RBFOX2: variants seen among roughly 807,000 people sequenced by gnomAD.
RBFOX2 encodes the protein RNA binding fox-1 homolog 2, also known as RNA binding protein fox-1 homolog 2.
Under a neutral mutation model 49.1 loss-of-function variants are expected in RBFOX2, and 10 were observed. The observed-to-expected ratio is 0.20, with a 90% CI of 0.13 to 0.35. The LOEUF (loss-of-function observed/expected upper bound fraction) is 0.35. RBFOX2 is among the 10% of genes least tolerant of loss of function. The pLI, the probability that RBFOX2 is intolerant of heterozygous loss-of-function variation, is 1.00. For synonymous variants in RBFOX2, 183 were observed against 187.4 expected (o/e 0.98, Z 0.19); for missense variants, 323 against 486.9 (o/e 0.66, Z 3.17).
chr22:35,795,121 T>C lies in RBFOX2; in HGVS notation c.253-13375A>G, dbSNP rs911001763. Among the ~76,000 whole-genome samples the C allele has an allele frequency of 2.0e-5, 3 of 152,314 alleles. No individual in the cohort carries two copies. In the East Asian group the frequency reaches 5.8e-4, roughly 29 times the overall value. Reference sequence around the variant, plus strand: ...TTCCTTATGGATCCAGCTTGGAAACTGCCAAACTACTCATAGACATCAAAA... The same window carrying C: ...TTCCTTATGGATCCAGCTTGGAAACCGCCAAACTACTCATAGACATCAAAA... On this transcript the variant is annotated intron_variant, in intron 2 of 11. Coordinates refer to ENST00000405409, the Ensembl canonical transcript of RBFOX2.
upstream of RBFOX2, among the ~76,000 whole-genome samples, chr22:35,965,573 G>A (rs1017207908): frequency 6.6e-6 from 1 of 152,102 alleles, no homozygotes; most frequent in East Asian, 1.9e-4. Flanking sequence ...TGCCTTATTA[G>A]GTAGAATGAA....
intron 2 of RBFOX2, among the ~76,000 whole-genome samples, chr22:35,799,793 T>TA (rs1190092499): frequency 4.7e-5 from 7 of 148,280 alleles, no homozygotes; most frequent in East Asian, 4.0e-4. Context: ...CTACAAATAA[T>TA]AAAAAAAAAA....
chr22:35,992,042 G>C (rs1427691725), intron 1 of RBFOX2, among the ~76,000 whole-genome samples: 2 of 152,130 alleles, frequency 1.3e-5, no homozygotes, highest in Non-Finnish European at 2.9e-5. Context: ...CAGAGAAATT[G>C]AGAAACTTGC....
intron 1 of RBFOX2, among the ~76,000 whole-genome samples, chr22:35,897,115 TC>T (rs1468453768): frequency 3.9e-5 from 6 of 152,176 alleles, no homozygotes; most frequent in Admixed American, 3.9e-4. Context: ...CGACACTCAT[TC>T]TTTTTTTTTC....
chr22:35,839,442 G>A (rs1958317009), intron 1 of RBFOX2, among the ~76,000 whole-genome samples: 1 of 152,092 alleles, frequency 6.6e-6, no homozygotes, highest in Non-Finnish European at 1.5e-5. Context: ...GGGAGAGAGT[G>A]AGTGGGAGTG....
At chr22:35,899,365 T>C (rs1396263270) in intron 1 of RBFOX2, among the ~76,000 whole-genome samples, 1 of 151,968 alleles carries the variant, frequency 6.6e-6, no homozygotes, top group Non-Finnish European at 1.5e-5. Context: ...CAGGAAGGGC[T>C]TGTAAATTCC....
chr22:36,026,541 T>G (rs953363524), intron 1 of RBFOX2, among the ~76,000 whole-genome samples: 27 of 136,644 alleles, frequency 2.0e-4, no homozygotes, highest in Middle Eastern at 3.6e-3. Flanking sequence ...AATGAATACA[T>G]ACACACACAC....
intron 2 of RBFOX2, among the ~76,000 whole-genome samples, chr22:35,793,217 G>A (rs1209023595): frequency 6.6e-6 from 1 of 152,134 alleles, no homozygotes; most frequent in Non-Finnish European, 1.5e-5. Context: ...ACTAAAAATA[G>A]AAAGAAATTA....
chr22:35,871,355 G>A (rs1045278522), intron 1 of RBFOX2, among the ~76,000 whole-genome samples: 2 of 152,202 alleles, frequency 1.3e-5, no homozygotes, highest in African/African-American at 4.8e-5. Context: ...GAAGCAGAAG[G>A]AAAGGCATTC....
At chr22:35,931,384 GTTTTAC>G (rs1447691433) in intron 1 of RBFOX2, among the ~76,000 whole-genome samples, 1 of 151,836 alleles carries the variant, frequency 6.6e-6, no homozygotes, top group Admixed American at 6.6e-5. Flanking sequence ...AAGGGGTAAC[GTTTTAC>G]TTCTGAACCA....
intron 1 of RBFOX2, among the ~76,000 whole-genome samples, chr22:35,901,809 C>T (rs958412801): frequency 5.3e-5 from 8 of 151,916 alleles, no homozygotes; most frequent in African/African-American, 1.5e-4. Context: ...TGGCTGGGCG[C>T]GGTGACTCAC....
At chr22:35,855,068 T>G (rs946501305) in intron 1 of RBFOX2, among the ~76,000 whole-genome samples, 3 of 152,172 alleles carry the variant, frequency 2.0e-5, no homozygotes, top group African/African-American at 2.4e-5. Flanking sequence ...TTTATCAAAA[T>G]GATTTTAAAA....
intron 1 of RBFOX2, among the ~76,000 whole-genome samples, chr22:35,990,055 C>T (rs1019052028): frequency 3.3e-5 from 5 of 152,114 alleles, no homozygotes; most frequent in African/African-American, 4.8e-5. Flanking sequence ...TGGTAGCACA[C>T]ACCTGTAATT....
At chr22:36,015,229 C>A (rs374887480) in intron 1 of RBFOX2, among the ~76,000 whole-genome samples, 5 of 152,158 alleles carry the variant, frequency 3.3e-5, no homozygotes, top group Admixed American at 2.0e-4. Flanking sequence ...ACTTCTAGTT[C>A]AAATATAACA....
chr22:35,890,017 T>A (rs534774971), intron 1 of RBFOX2, among the ~76,000 whole-genome samples: 20 of 152,268 alleles, frequency 1.3e-4, no homozygotes, highest in African/African-American at 4.8e-4. Flanking sequence ...CGAAACTGTA[T>A]CTTTTGACTC....
chr22:35,778,473 T>C (rs939363129), intron 3 of RBFOX2, among the ~76,000 whole-genome samples: 4 of 152,072 alleles, frequency 2.6e-5, no homozygotes, highest in African/African-American at 9.7e-5. Context: ...GCAAAGTATA[T>C]TCACTATATA....
upstream of RBFOX2, among the ~76,000 whole-genome samples, chr22:35,966,601 T>C (rs1232094060): frequency 6.6e-6 from 1 of 152,184 alleles, no homozygotes; most frequent in South Asian, 2.1e-4. Context: ...GACCATTTTT[T>C]GGAACATTTG....
rs1022710944 is a variant in RBFOX2 at position 35,808,155 on chromosome 22, T to C, written c.252+1625A>G. Reference sequence around the variant, plus strand: ...TCTTTAATTGAAACAGTTATTCTGATAGGTCTGTGAGTTCATGATCATTAA... The same window carrying C: ...TCTTTAATTGAAACAGTTATTCTGACAGGTCTGTGAGTTCATGATCATTAA... On this transcript the variant is annotated intron_variant, in intron 2 of 11. Coordinates refer to ENST00000405409, the Ensembl canonical transcript of RBFOX2. Among the ~76,000 whole-genome samples, 6 of 152,330 alleles carry C rather than the reference T, an allele frequency of 3.9e-5. No homozygotes were observed. In the East Asian group the frequency reaches 9.6e-4, roughly 24 times the overall value.
At chr22:35,781,850 A>G in intron 2 of RBFOX2, 104 bp from the exon 4 acceptor site, 1 of 1,368,362 alleles carries the variant, frequency 7.3e-7, no homozygotes, top group Non-Finnish European at 1.0e-6. Context: ...TTTAAGCAAA[A>G]ATCACAGTAG....
Sources: gnomAD v4.1 joint callset for allele counts (sites outside exome capture counted in the v4.1 genomes callset) on GRCh38, gnomAD v4.1.1 for gene constraint, MANE v1.5 for transcripts, NCBI Gene and HGNC (gene_info 2026-07-23, HGNC 2026-07-21) for gene names.